FCN1: variants seen among roughly 807,000 people sequenced by gnomAD.
FCN1 encodes ficolin-1.
FCN1 carries 42 observed loss-of-function variants against 35.6 expected under a neutral mutation model. That is an observed-to-expected ratio of 1.18 (90% CI 0.92 to 1.53). The LOEUF (loss-of-function observed/expected upper bound fraction) is 1.53, where lower values mean the gene tolerates loss of function less well. Ranked by LOEUF, FCN1 falls within the 40% of genes most tolerant of loss-of-function variation. The probability of loss-of-function intolerance (pLI) is 0.00; values close to 1 mark genes in which losing one functional copy is unlikely to be tolerated. For missense variants in FCN1, 439 were observed against 428.4 expected (o/e 1.02, Z -0.22); for synonymous variants, 179 against 169.8 (o/e 1.05, Z -0.42).
chr9:134,914,624 T>C (rs1831068638), intron 3 of FCN1, 132 bp downstream of exon 3: 6 of 910,050 alleles, frequency 6.6e-6, no homozygotes, highest in Non-Finnish European at 1.0e-5. Context: ...TGCCACTGTC[T>C]TTCTCTCTCT....
chr9:134,912,742 C>A (rs1012008237), intron 6 of FCN1, 127 bp from the exon 7 acceptor site: 4 of 1,306,078 alleles, frequency 3.1e-6, no homozygotes, highest in Non-Finnish European at 4.3e-6. Flanking sequence ...ACACGCACGC[C>A]CATCTGGTCT....
rs1830925241 is a variant in FCN1, at chr9:134,905,161, A to G, written c.*4637T>C. On this transcript the variant is annotated 3_prime_UTR_variant, in exon 9 of 9. Transcript: ENST00000371806. The stretch of plus-strand genomic sequence containing the variant: ...AAGATAGGAAAAGAATGAACAAGTT[A>G]TAAGCTGATAGAGGAGGTGACGGGA... Among the ~76,000 whole-genome samples the G allele has an allele frequency of 6.6e-6, 1 of 152,228 alleles. No homozygotes were observed. The highest frequency in any genetic ancestry group is 6.5e-5 in the Admixed American group (1 of 15,290).
intron 1 of FCN1, among the ~76,000 whole-genome samples, chr9:134,917,030 A>G (rs1831100578): frequency 6.6e-6 from 1 of 151,694 alleles, no homozygotes. Flanking sequence ...TCTTTGAAAA[A>G]ATATTTTTCA....
chr9:134,913,510 G>T (rs535207786), intron 5 of FCN1, 71 bp downstream of exon 5: 2 of 1,253,676 alleles, frequency 1.6e-6, no homozygotes, highest in East Asian at 4.7e-5. Context: ...ATTCCGTAGC[G>T]TGAACGTGTG....
At position 134,911,207 on chromosome 9, in the gene FCN1, T is replaced by G. The variant is rs1831018968; in HGVS notation, c.659A>C (p.Tyr220Ser). 2 of 1,614,018 alleles carry G rather than the reference T, an allele frequency of 1.2e-6. No individual in the cohort carries two copies. Among genetic ancestry groups the G allele is most frequent in the African/African-American group, 2.7e-5 (2 of 74,920 alleles). The change falls in exon 8 of 9, where the codon TAC becomes TCC. Residue 220 changes from tyrosine (Y) to serine (S), a missense_variant. Transcript: ENST00000371806. ...CTCGTCAGCCACCTTGAATGATTTG[T>G]ACTTAGCAAACTGGTGGTTGCCCTC... ...DFEGNHQFAK[Y>S]KSFKVADEAE... is the part of the protein sequence containing the mutation.
At position 134,909,385 on chromosome 9, in the gene FCN1, G is replaced by A. The variant is rs944923393; in HGVS notation, c.*413C>T. 75 of 1,289,454 alleles carry A rather than the reference G, an allele frequency of 5.8e-5. No individual in the cohort carries two copies. The South Asian group carries it at 6.3e-4, about 11-fold the overall frequency. 79.9% of individuals were successfully genotyped at this position (1,289,454 alleles called of 1,614,324 possible). A position where few individuals can be genotyped will look rare whatever the true frequency, so the allele number is the denominator to read the frequency against. Reference sequence around the variant, plus strand: ...AGGCTTGGGGGTGGAGGTGAGGATCGCCCTGTGTCAATTACTGGAGGTGGA... The same window carrying A: ...AGGCTTGGGGGTGGAGGTGAGGATCACCCTGTGTCAATTACTGGAGGTGGA... On this transcript the variant is annotated 3_prime_UTR_variant, in exon 9 of 9. Coordinates refer to ENST00000371806, the MANE Select transcript of FCN1 (RefSeq NM_002003.5).
intron 1 of FCN1, among the ~76,000 whole-genome samples, chr9:134,917,351 C>T (rs770359727): frequency 3.9e-5 from 6 of 152,330 alleles, no homozygotes; most frequent in East Asian, 1.9e-4. Flanking sequence ...CAACTGATTC[C>T]GACTCTCTTG....
rs1050314749 is a variant in FCN1, at chr9:134,905,688, G to A, written c.*4110C>T. On this transcript the variant is annotated 3_prime_UTR_variant, in exon 9 of 9. Transcript: ENST00000371806. ...TTTAGTAGAGACGGGGTTTCATCAT[G>A]TTAGCCAGGATGGTCTTGATCTCCT... 2.6e-5 allele frequency among the ~76,000 whole-genome samples: 4 copies of A among 151,508 alleles called. No homozygotes were observed. The highest frequency in any genetic ancestry group is 4.4e-5 in the Non-Finnish European group (3 of 67,914).
chr9:134,911,312 G>T, intron 7 of FCN1, 45 bp from the exon 8 acceptor site: 1 of 1,578,226 alleles, frequency 6.3e-7, no homozygotes, highest in Non-Finnish European at 8.7e-7. Flanking sequence ...AGATCTTTCT[G>T]TCACCAGGCA....
rs1345783002 is a variant in FCN1, at chr9:134,909,365, TG to T, written c.*432del. ...GAGGCATGGGGGGATGGGGGAGGCT[TG>T]GGGGTGGAGGTGAGGATCGCCCTGT... On this transcript the variant is annotated 3_prime_UTR_variant, in exon 9 of 9. Coordinates refer to ENST00000371806, the MANE Select transcript of FCN1 (RefSeq NM_002003.5). 1 of 1,235,232 alleles carries T rather than the reference TG, an allele frequency of 8.1e-7. No homozygotes were observed. Among genetic ancestry groups the T allele is most frequent in the East Asian group, 5.7e-5 (1 of 17,576 alleles). The allele number at this position is 1,235,232 out of a possible 1,614,324, so 76.5% of individuals were successfully genotyped here. A position where few individuals can be genotyped will look rare whatever the true frequency, so the allele number is the denominator to read the frequency against.
At position 134,917,880 on chromosome 9, in the gene FCN1, G is replaced by A; in HGVS notation, c.-9C>T. On this transcript the variant is annotated 5_prime_UTR_variant, in exon 1 of 9. Coordinates refer to ENST00000371806, the MANE Select transcript of FCN1 (RefSeq NM_002003.5). ...GCTCCACTCAGCTCCATGCTCTCTG[G>A]CCTTTGACTCTGAAGAGTCCCCCAG... 6.3e-7 allele frequency: 1 copy of A among 1,598,332 alleles called. No homozygotes were observed. The highest frequency in any genetic ancestry group is 8.6e-7 in the Non-Finnish European group (1 of 1,165,880).
chr9:134,905,522 C>T lies in FCN1; in HGVS notation c.*4276G>A, dbSNP rs1393799351. Among the ~76,000 whole-genome samples the T allele has an allele frequency of 5.9e-5, 9 of 152,062 alleles. No homozygotes were observed. Among genetic ancestry groups the T allele is most frequent in the South Asian group, 2.1e-4 (1 of 4,804 alleles). On this transcript the variant is annotated 3_prime_UTR_variant, in exon 9 of 9. Coordinates refer to ENST00000371806, the MANE Select transcript of FCN1 (RefSeq NM_002003.5). ...ATTTTGAGACAGAGTCTCGCTCTGT[C>T]GCCCAGGCTGGAGTGCAGTGGTGCG... is the stretch of plus-strand genomic sequence containing the variant.
intron 5 of FCN1, 50 bp downstream of exon 5, chr9:134,913,531 C>T (rs895618308): frequency 2.0e-6 from 3 of 1,529,852 alleles, no homozygotes; most frequent in Non-Finnish European, 1.8e-6. Flanking sequence ...CAGCTGGCCC[C>T]AGGGGTGGGG....
At position 134,910,045 on chromosome 9, in the gene FCN1, C is replaced by G; in HGVS notation, c.734G>C (p.Gly245Ala). The change falls in exon 9 of 9, where the codon GGT becomes GCT. Residue 245 changes from glycine to alanine, a missense_variant and splice_region_variant. Coordinates refer to ENST00000371806, the MANE Select transcript of FCN1 (RefSeq NM_002003.5). ...VLGAFVGGSA[G>A]NSLTGHNNNF... Reference sequence around the variant, plus strand: ...GTTGTTGTGGCCCGTTAGAGAATTACCTGCTCACAGAAAATGTGGGGTTTG... The same window carrying G: ...GTTGTTGTGGCCCGTTAGAGAATTAGCTGCTCACAGAAAATGTGGGGTTTG... 1 of 1,613,776 alleles carries G rather than the reference C, an allele frequency of 6.2e-7. No homozygotes were observed. The highest frequency in any genetic ancestry group is 1.3e-5 in the African/African-American group (1 of 75,010).
intron 1 of FCN1, 55 bp downstream of exon 1, chr9:134,917,714 A>G: frequency 8.8e-7 from 1 of 1,135,640 alleles, no homozygotes. Context: ...CCCGAGTGTC[A>G]GTGAGTGGGG....
intron 2 of FCN1, among the ~76,000 whole-genome samples, 153 bp downstream of exon 2, chr9:134,916,195 G>A (rs1034917496): frequency 6.6e-6 from 1 of 152,222 alleles, no homozygotes; most frequent in Non-Finnish European, 1.5e-5. Flanking sequence ...GGCCCTGGGA[G>A]TCAGCTCTGT....
chr9:134,913,549 T>C, intron 5 of FCN1, 32 bp downstream of exon 5: 1 of 1,588,946 alleles, frequency 6.3e-7, no homozygotes, highest in African/African-American at 1.3e-5. Flanking sequence ...GGGGCAAGGC[T>C]TGGGTACCGA....
intron 5 of FCN1, 91 bp downstream of exon 5, chr9:134,913,490 C>A: frequency 9.7e-7 from 1 of 1,027,174 alleles, no homozygotes; most frequent in Non-Finnish European, 1.5e-6. Flanking sequence ...AGACAGGGTT[C>A]TGTCCTTAGA....
rs780219939 is a variant in FCN1 at position 134,913,176 on chromosome 9, C to G, written c.341-33G>C. The G allele has an allele frequency of 4.3e-6, 7 of 1,611,036 alleles. No homozygotes were observed. The African/African-American group carries it at 6.7e-5, about 15-fold the overall frequency. On this transcript the variant is annotated intron_variant, in intron 5 of 8. Transcript: ENST00000371806. Reference sequence around the variant, plus strand: ...GGGAACCCGGGGAATGGCTGCAGGACGGGGGCCCTGGGCAGGACAGGGGCA... The same window carrying G: ...GGGAACCCGGGGAATGGCTGCAGGAGGGGGGCCCTGGGCAGGACAGGGGCA...
Sources: allele counts gnomAD v4.1 joint callset (sites outside exome capture counted in the v4.1 genomes callset), GRCh38; gene constraint gnomAD v4.1.1; transcripts MANE v1.5; gene names NCBI Gene and HGNC (gene_info 2026-07-23, HGNC 2026-07-21).